SLCO4C1: variants seen among roughly 807,000 people sequenced by gnomAD.
SLCO4C1 encodes the protein organic anion transporter M1.
A neutral mutation model predicts 72.1 loss-of-function variants in SLCO4C1; 58 were observed. That is an observed-to-expected ratio of 0.80 (90% CI 0.65 to 1.00). SLCO4C1 has a LOEUF of 1.00. Among genes scored for constraint, SLCO4C1 ranks in the 50% least tolerant of loss-of-function variants. The pLI is 0.00. For synonymous variants in SLCO4C1, 297 were observed against 312.5 expected (o/e 0.95, Z 0.52); for missense variants, 898 against 857.9 (o/e 1.05, Z -0.58).
intron 11 of SLCO4C1, 92 bp downstream of exon 11, chr5:102,240,624 ATT>A: frequency 1.1e-6 from 1 of 937,876 alleles, no homozygotes; most frequent in Non-Finnish European, 1.7e-6. Context: ...TTCCACTATA[ATT>A]TTTTTTGCCA....
At chr5:102,294,674 C>T (rs1455651804) in intron 1 of SLCO4C1, among the ~76,000 whole-genome samples, 1 of 152,112 alleles carries the variant, frequency 6.6e-6, no homozygotes, top group African/African-American at 2.4e-5. Flanking sequence ...TTGGTAGGGA[C>T]AAGAAAAGTG....
rs1286481185 is a variant in SLCO4C1, at chr5:102,234,028, A to AT, written c.*2829dup. On this transcript the variant is annotated 3_prime_UTR_variant, in exon 13 of 13. Coordinates refer to ENST00000310954, the MANE Select transcript of SLCO4C1 (RefSeq NM_180991.5). ...GATTTAATAAATGGTATGAATATAT[A>AT]TTTTGCATACTTTACAATAAAGAAA... The AT allele has an allele frequency of 6.6e-6, 1 of 152,140 alleles. No individual in the cohort carries two copies. Among genetic ancestry groups the AT allele is most frequent in the African/African-American group, 2.4e-5 (1 of 41,456 alleles). The allele number at this position is 152,140 out of a possible 1,614,324, so 9.4% of individuals were successfully genotyped here.
At chr5:102,259,783 A>G (rs1253632183) in intron 6 of SLCO4C1, among the ~76,000 whole-genome samples, 1 of 152,144 alleles carries the variant, frequency 6.6e-6, no homozygotes, top group African/African-American at 2.4e-5. Context: ...TGACTAATCA[A>G]TTTCATAAGG....
Position 102,296,096 on chromosome 5 carries a change from T to A in SLCO4C1, c.167A>T (p.Gln56Leu). The change falls in exon 1 of 13, where the codon CAG becomes CTG. Residue 56 changes from glutamine (Q) to leucine (L), a missense_variant. By Grantham distance (113) the Gln-to-Leu change is moderately radical. Transcript: ENST00000310954. ...AGGCAGAGATGGCTCTGGTGACTTC[T>A]GGGGCTCCTGGGGCTTCTGAAGCTC... Reference protein sequence around the residue: ...PQELQKPQEPQKSPEPSLPSA... With the variant: ...PQELQKPQEPLKSPEPSLPSA... 6.2e-7 allele frequency: 1 copy of A among 1,614,090 alleles called. No homozygotes were observed. Among genetic ancestry groups the A allele is most frequent in the Non-Finnish European group, 8.5e-7 (1 of 1,179,930 alleles).
chr5:102,290,325 C>T (rs1249306571), intron 2 of SLCO4C1, among the ~76,000 whole-genome samples: 1 of 152,166 alleles, frequency 6.6e-6, no homozygotes, highest in East Asian at 1.9e-4. Flanking sequence ...TGATTTTAGG[C>T]GTGAGCCCCC....
chr5:102,262,623 C>G (rs1748962610), intron 4 of SLCO4C1, among the ~76,000 whole-genome samples: 1 of 152,048 alleles, frequency 6.6e-6, no homozygotes, highest in Non-Finnish European at 1.5e-5. Context: ...CAGGCACAAG[C>G]CACTCCTGGC....
At chr5:102,282,123 A>G (rs552681326) in intron 2 of SLCO4C1, among the ~76,000 whole-genome samples, 1 of 152,196 alleles carries the variant, frequency 6.6e-6, no homozygotes, top group African/African-American at 2.4e-5. Flanking sequence ...TATTCAGAAA[A>G]TTACTCAGAC....
At chr5:102,244,685 T>C (rs1352696085) in intron 10 of SLCO4C1, among the ~76,000 whole-genome samples, 1 of 152,114 alleles carries the variant, frequency 6.6e-6, no homozygotes, top group Non-Finnish European at 1.5e-5. Context: ...CCTCAATACA[T>C]CTGGCAGCAG....
chr5:102,259,005 A>G (rs150615700), intron 6 of SLCO4C1, among the ~76,000 whole-genome samples: 2 of 152,260 alleles, frequency 1.3e-5, no homozygotes, highest in Admixed American at 1.3e-4. Context: ...GTAATCAAAG[A>G]TAAATGAAAA....
At chr5:102,289,059 T>C (rs1311751027) in intron 2 of SLCO4C1, among the ~76,000 whole-genome samples, 1 of 152,236 alleles carries the variant, frequency 6.6e-6, no homozygotes, top group African/African-American at 2.4e-5. Context: ...GTTTTTGCTT[T>C]CATTTGCCAC....
chr5:102,249,788 C>T lies in SLCO4C1; in HGVS notation c.1470G>A (p.Gly490=), dbSNP rs138998919. Residue 490 remains glycine (G), a splice_region_variant and synonymous_variant, in exon 9 of 13, where the codon GGG becomes GGA. Coordinates refer to ENST00000310954, the MANE Select transcript of SLCO4C1 (RefSeq NM_180991.5). ...CTATCAAGTTTCCCAATTCTCCAGT[C>T]CTGTAAATAAGAAATGAAAGAAGGG... ...PFAGVSESYN[G]TGELGNLIAP... The T allele has an allele frequency of 1.8e-5, 29 of 1,609,248 alleles. No individual in the cohort carries two copies. The African/African-American group carries it at 3.8e-4, about 21-fold the overall frequency.
intron 2 of SLCO4C1, among the ~76,000 whole-genome samples, chr5:102,273,192 A>G (rs1352088488): frequency 6.6e-6 from 1 of 152,166 alleles, no homozygotes; most frequent in Non-Finnish European, 1.5e-5. Context: ...ACCAAGATTT[A>G]AAAGGTTACA....
chr5:102,289,091 A>G (rs1749505667), intron 2 of SLCO4C1, among the ~76,000 whole-genome samples: 1 of 152,222 alleles, frequency 6.6e-6, no homozygotes, highest in South Asian at 2.1e-4. Flanking sequence ...TATTTAAATT[A>G]TGAGTCAATT....
chr5:102,239,793 G>A (rs115171951), intron 11 of SLCO4C1, among the ~76,000 whole-genome samples: 1 of 151,880 alleles, frequency 6.6e-6, no homozygotes, highest in Admixed American at 6.6e-5. Flanking sequence ...ATCTATGTGG[G>A]TGTGCATGTG....
At chr5:102,293,103 T>G (rs1009253417) in intron 1 of SLCO4C1, among the ~76,000 whole-genome samples, 2 of 152,106 alleles carry the variant, frequency 1.3e-5, no homozygotes. Flanking sequence ...TTAATAAGTT[T>G]CAAAACTCAT....
chr5:102,273,913 C>T (rs1486935104), intron 2 of SLCO4C1, among the ~76,000 whole-genome samples: 9 of 152,100 alleles, frequency 5.9e-5, no homozygotes, highest in Non-Finnish European at 7.4e-5. Flanking sequence ...TGACCAAATA[C>T]AGTTAGCCCT....
chr5:102,241,480 G>C (rs184432557), intron 10 of SLCO4C1, among the ~76,000 whole-genome samples: 70 of 151,236 alleles, frequency 4.6e-4, no homozygotes, highest in Admixed American at 1.8e-3. Flanking sequence ...AAGAAATCAA[G>C]TAAACAACAA....
At chr5:102,293,234 T>C (rs530846606) in intron 1 of SLCO4C1, among the ~76,000 whole-genome samples, 16 of 152,218 alleles carry the variant, frequency 1.1e-4, no homozygotes, top group African/African-American at 3.6e-4. Context: ...TATCTAATAA[T>C]ACAAAATTTT....
intron 2 of SLCO4C1, among the ~76,000 whole-genome samples, chr5:102,277,031 G>T (rs1395460228): frequency 1.3e-5 from 2 of 151,894 alleles, no homozygotes; most frequent in Non-Finnish European, 2.9e-5. Context: ...TTTTATTTTT[G>T]CTTAATCTAT....
Sources: allele counts gnomAD v4.1 joint callset (sites outside exome capture counted in the v4.1 genomes callset), GRCh38; gene constraint gnomAD v4.1.1; transcripts MANE v1.5; gene names NCBI Gene and HGNC (gene_info 2026-07-23, HGNC 2026-07-21).